The following DNM1 variants were observed in gnomAD, a reference collection of about 807,000 sequenced individuals.
DNM1 encodes the protein dynamin-1.
A neutral mutation model predicts 104.6 loss-of-function variants in DNM1; 29 were observed. The ratio of observed to expected loss-of-function variants is 0.28; its 90% CI spans 0.21 to 0.38. DNM1 has a LOEUF of 0.38. DNM1 is among the 10% of genes least tolerant of loss of function. The probability of loss-of-function intolerance (pLI) is 1.00; values close to 1 mark genes in which losing one functional copy is unlikely to be tolerated. For synonymous variants in DNM1, 445 were observed against 475.8 expected (o/e 0.94, Z 0.84); for missense variants, 640 against 1,189.4 (o/e 0.54, Z 6.79).
intron 4 of DNM1, among the ~76,000 whole-genome samples, chr9:128,219,524 C>T (rs1834814705): frequency 6.6e-6 from 1 of 151,378 alleles, no homozygotes; most frequent in Admixed American, 6.6e-5. Flanking sequence ...TAAAAATTAG[C>T]CGGGCACCGT....
rs767639839 is a variant in DNM1 at position 128,219,266 on chromosome 9, C to A, written c.589+14C>A. ...TGGACCCCCAGGGTAGGTTCCCACC[C>A]GGTGGCCAATGCACAAAACCCCAGG... On this transcript the variant is annotated intron_variant, in intron 4 of 21. Transcript: ENST00000372923. 2 of 1,612,122 alleles carry A rather than the reference C, an allele frequency of 1.2e-6. No homozygotes were observed. The highest frequency in any genetic ancestry group is 2.7e-5 in the African/African-American group (2 of 74,906).
chr9:128,230,552 G>C (rs1408901443), intron 10 of DNM1, among the ~76,000 whole-genome samples: 1 of 149,246 alleles, frequency 6.7e-6, no homozygotes, highest in East Asian at 2.0e-4. Flanking sequence ...CCAGGTTCAA[G>C]CAATTCTTCT....
intron 4 of DNM1, 117 bp from the exon 5 acceptor site, chr9:128,219,870 AG>A: frequency 1.5e-6 from 1 of 666,534 alleles, no homozygotes; most frequent in East Asian, 2.8e-5. Flanking sequence ...AGGGGGAAAG[AG>A]AGGAGGCAGT....
chr9:128,241,920 G>A (rs1353004191), intron 14 of DNM1, among the ~76,000 whole-genome samples: 1 of 152,128 alleles, frequency 6.6e-6, no homozygotes, highest in African/African-American at 2.4e-5. Flanking sequence ...TTCCCCAATC[G>A]GCCCCATAAA....
rs1237168423 is a variant in DNM1 at position 128,247,929 on chromosome 9, A to G, written c.1899A>G (p.Lys633=). 2 of 1,614,064 alleles carry G rather than the reference A, an allele frequency of 1.2e-6. No homozygotes were observed. The highest frequency in any genetic ancestry group is 2.2e-5 in the East Asian group (1 of 44,876). Residue 633 remains lysine (K), a synonymous_variant, in exon 18 of 22, where the codon AAA becomes AAG. Coordinates refer to ENST00000372923, the MANE Select transcript of DNM1 (RefSeq NM_004408.4). This position sits in a 1 kb window ranked among gnomAD's most constrained non-coding sequence, Gnocchi z 5.1. ...AGVYPERVGD[K]EKASETEENG... is the part of the protein sequence containing the mutation. ...TTGGTGTGTGGGCCTCCCAGGACAA[A>G]GAGAAAGTGAGTGTGCCCTTCTCTT... is the stretch of plus-strand genomic sequence containing the variant.
At chr9:128,237,771 G>T (rs1836104347) in intron 11 of DNM1, among the ~76,000 whole-genome samples, 1 of 151,906 alleles carries the variant, frequency 6.6e-6, no homozygotes, top group Non-Finnish European at 1.5e-5. Context: ...TATGTGCATT[G>T]TTTGTTTGTT....
At position 128,229,366 on chromosome 9, in the gene DNM1, T is replaced by A. The variant is rs1335048462; in HGVS notation, c.1336-4655T>A. Among the ~76,000 whole-genome samples the A allele has an allele frequency of 2.0e-5, 3 of 150,530 alleles. No homozygotes were observed. In the East Asian group the frequency reaches 5.9e-4, roughly 30 times the overall value. Reference sequence around the variant, plus strand: ...CACTCCTGGGTTATTTTAGAGACCCTGTCTCTAAAATAAATAAAAAAGAAG... The same window carrying A: ...CACTCCTGGGTTATTTTAGAGACCCAGTCTCTAAAATAAATAAAAAAGAAG... On this transcript the variant is annotated intron_variant, in intron 10 of 21. Transcript: ENST00000372923.
intron 1 of DNM1, among the ~76,000 whole-genome samples, chr9:128,211,027 G>T (rs1834258269): frequency 6.6e-6 from 1 of 152,134 alleles, no homozygotes. Context: ...CTCCTGAATG[G>T]CATCTTCCCA....
intron 9 of DNM1, chr9:128,223,539 A>G (rs867750353): frequency 6.6e-6 from 1 of 152,386 alleles, no homozygotes; most frequent in African/African-American, 2.4e-5. Flanking sequence ...TTGGCATGGA[A>G]TTTACTTCCT....
At position 128,248,015 on chromosome 9, in the gene DNM1, C is replaced by T. The variant is rs1836933239; in HGVS notation, c.1905+80C>T. 6.3e-7 allele frequency: 1 copy of T among 1,580,400 alleles called. No individual in the cohort carries two copies. Among genetic ancestry groups the T allele is most frequent in the Non-Finnish European group, 8.7e-7 (1 of 1,149,620 alleles). On this transcript the variant is annotated intron_variant, in intron 18 of 21. Coordinates refer to ENST00000372923, the MANE Select transcript of DNM1 (RefSeq NM_004408.4). The surrounding 1 kb of genome is among the most constrained non-coding windows in gnomAD (Gnocchi z 5.6). ...CCAGCCAGGTTTTCAAGCAAGGGAC[C>T]TGGAGATGTTCTTTTCTAATTTCTG...
chr9:128,228,104 C>G (rs148335486), intron 10 of DNM1, among the ~76,000 whole-genome samples: 1 of 151,962 alleles, frequency 6.6e-6, no homozygotes, highest in East Asian at 1.9e-4. Context: ...TGCAGTGGTG[C>G]CATCTCGGCT....
chr9:128,235,442 T>C (rs1343440603), intron 11 of DNM1, among the ~76,000 whole-genome samples: 1 of 150,840 alleles, frequency 6.6e-6, no homozygotes, highest in African/African-American at 2.4e-5. Flanking sequence ...TGCAGTGAGC[T>C]GAGATCATGC....
chr9:128,216,062 C>T (rs1029737077), intron 1 of DNM1, among the ~76,000 whole-genome samples: 2 of 151,878 alleles, frequency 1.3e-5, no homozygotes, highest in African/African-American at 4.8e-5. Context: ...CCGCCTGGCA[C>T]ACCTCTGTTC....
At position 128,218,064 on chromosome 9, in the gene DNM1, T is replaced by A. The variant is rs1428219579; in HGVS notation, c.162-167T>A. On this transcript the variant is annotated intron_variant, in intron 1 of 21. Coordinates refer to ENST00000372923, the MANE Select transcript of DNM1 (RefSeq NM_004408.4). This position sits in a 1 kb window ranked among gnomAD's most constrained non-coding sequence, Gnocchi z 4.8. ...ACTTGAGGAAAAGTATTTTCCACCT[T>A]TCTGGGCTGCCATATGCTCTTAGTT... Among the ~76,000 whole-genome samples, 2 of 152,192 alleles carry A rather than the reference T, an allele frequency of 1.3e-5. No homozygotes were observed. Among genetic ancestry groups the A allele is most frequent in the Non-Finnish European group, 2.9e-5 (2 of 68,036 alleles).
chr9:128,213,001 A>T (rs1834392852), intron 1 of DNM1, among the ~76,000 whole-genome samples: 1 of 152,248 alleles, frequency 6.6e-6, no homozygotes, highest in African/African-American at 2.4e-5. Context: ...GATGAATGAT[A>T]AAATGTTTAC....
At chr9:128,234,373 G>GT (rs1348812838) in intron 11 of DNM1, among the ~76,000 whole-genome samples, 3 of 152,226 alleles carry the variant, frequency 2.0e-5, no homozygotes, top group African/African-American at 4.8e-5. Flanking sequence ...CCACAGAACT[G>GT]TTTTTTTGAG....
Position 128,248,411 on chromosome 9 carries a change from A to G in DNM1, c.1906-172A>G, listed in dbSNP as rs1489136302. On this transcript the variant is annotated intron_variant, in intron 18 of 21. Coordinates refer to ENST00000372923, the MANE Select transcript of DNM1 (RefSeq NM_004408.4). This position sits in a 1 kb window ranked among gnomAD's most constrained non-coding sequence, Gnocchi z 5.6. ...AACCAAGACAAGGCTGAATCAGGGG[A>G]GTCTAGGGTCCTGAGAGGCACAGGG... 6 of 642,276 alleles carry G rather than the reference A, an allele frequency of 9.3e-6. No homozygotes were observed. The highest frequency in any genetic ancestry group is 1.3e-5 in the Non-Finnish European group (5 of 384,526). 39.8% of individuals were successfully genotyped at this position (642,276 alleles called of 1,614,324 possible).
At chr9:128,239,600 G>GTGTGTA in intron 12 of DNM1, 85 bp downstream of exon 12, 1 of 1,277,982 alleles carries the variant, frequency 7.8e-7, no homozygotes, top group Admixed American at 1.7e-5. Flanking sequence ...GTGTGTGTGT[G>GTGTGTA]TGTGTGTGTG....
rs140950284 is a variant in DNM1, at chr9:128,220,742, CGTGTGTGT to C, written c.849+420_849+427del. 7.3e-6 allele frequency among the ~76,000 whole-genome samples: 1 copy of C among 136,278 alleles called. No individual in the cohort carries two copies. The highest frequency in any genetic ancestry group is 1.6e-5 in the Non-Finnish European group (1 of 63,298). The allele number at this position is 136,278 out of a possible 152,430, so 89.4% of individuals were successfully genotyped here. On this transcript the variant is annotated intron_variant, in intron 6 of 21. Transcript: ENST00000372923. This position sits in a 1 kb window ranked among gnomAD's most constrained non-coding sequence, Gnocchi z 5.2. ...CAGAACTGAAGTGCGCGCGCGCGCGCGTGTGTGTGTGTGTGTGTGTGTGTGTCTGTCTG... is the reference window on the plus strand; with the variant it reads ...CAGAACTGAAGTGCGCGCGCGCGCGCGTGTGTGTGTGTGTGTGTCTGTCTG...
Sources: allele counts gnomAD v4.1 joint callset (sites outside exome capture counted in the v4.1 genomes callset), GRCh38; gene constraint gnomAD v4.1.1; non-coding constraint Gnocchi (gnomAD v3.1); transcripts MANE v1.5; gene names NCBI Gene and HGNC (gene_info 2026-07-23, HGNC 2026-07-21).